Variants in C8orf34 observed in about 807,000 individuals in gnomAD.
C8orf34 encodes chromosome 8 open reading frame 34, also known as uncharacterized protein C8orf34.
C8orf34 carries 65 observed loss-of-function variants against 68.3 expected under a neutral mutation model. The observed-to-expected ratio is 0.95, with a 90% CI of 0.78 to 1.17. The LOEUF (loss-of-function observed/expected upper bound fraction) is 1.17, where lower values mean the gene tolerates loss of function less well. Among genes scored for constraint, C8orf34 ranks in the 50% most tolerant of loss-of-function variants. C8orf34 has a pLI of 0.00. For synonymous variants in C8orf34, 244 were observed against 241.2 expected, an observed-to-expected ratio of 1.01 and a Z score of -0.11; for missense variants, 664 against 655.4, an observed-to-expected ratio of 1.01 and a Z score of -0.14.
At chr8:68,550,370 T>C (rs1314093914) in intron 7 of C8orf34, among the ~76,000 whole-genome samples, 1 of 151,830 alleles carries the variant, frequency 6.6e-6, no homozygotes, top group Non-Finnish European at 1.5e-5. Flanking sequence ...TACCTTGTAA[T>C]ATCAAAATAC....
In C8orf34 at chr8:68,446,445, C is replaced by T; in HGVS notation, c.592C>T (p.Pro198Ser). 6.2e-7 allele frequency: 1 copy of T among 1,612,466 alleles called. No homozygotes were observed. Among genetic ancestry groups the T allele is most frequent in the Non-Finnish European group, 8.5e-7 (1 of 1,179,364 alleles). The change falls in exon 3 of 14, where the codon CCG becomes TCG. Residue 198 changes from proline to serine, a missense_variant. Physicochemically the swap from Pro to Ser is moderately conservative, Grantham distance 74. Coordinates refer to ENST00000518698, the MANE Select transcript of C8orf34 (RefSeq NM_052958.4). ...LAVSNISPPS[P>S]DSKSLPRSVE... ...TGTGTCTAATATTTCTCCACCATCA[C>T]CGGACTCCAAATCATGTAAGGAAGT... is the stretch of plus-strand genomic sequence containing the variant.
At position 68,818,390 on chromosome 8, in the gene C8orf34, GC is replaced by G; in HGVS notation, c.*146del. ...TCAATAATAAACAAGTACTATCGTA[GC>G]CAGGGGGTGCCCAAGTATGTAATCA... On this transcript the variant is annotated 3_prime_UTR_variant, in exon 14 of 14. Coordinates refer to ENST00000518698, the MANE Select transcript of C8orf34 (RefSeq NM_052958.4). 1.1e-6 allele frequency: 1 copy of G among 882,336 alleles called. No individual in the cohort carries two copies. Among genetic ancestry groups the G allele is most frequent in the Non-Finnish European group, 1.8e-6 (1 of 565,140 alleles). The allele number at this position is 882,336 out of a possible 1,614,324, so 54.7% of individuals were successfully genotyped here.
chr8:68,806,738 G>A lies in C8orf34; in HGVS notation c.1550-9148G>A, dbSNP rs982111860. 2.0e-5 allele frequency among the ~76,000 whole-genome samples: 3 copies of A among 152,142 alleles called. 1 individual carries two copies. The South Asian group carries it at 6.2e-4, about 31-fold the overall frequency. Reference sequence around the variant, plus strand: ...TATATGTTTGGTAGCTGTGGATTGTGCCTTGTTCTCTTTTGAGTCTTGTTT... The same window carrying A: ...TATATGTTTGGTAGCTGTGGATTGTACCTTGTTCTCTTTTGAGTCTTGTTT... On this transcript the variant is annotated intron_variant, in intron 12 of 13. Coordinates refer to ENST00000518698, the MANE Select transcript of C8orf34 (RefSeq NM_052958.4).
At chr8:68,448,742 A>G (rs1022184402) in intron 3 of C8orf34, among the ~76,000 whole-genome samples, 1 of 152,162 alleles carries the variant, frequency 6.6e-6, no homozygotes, top group African/African-American at 2.4e-5. Flanking sequence ...CAATTAAAGC[A>G]AATATTGTCA....
At chr8:68,621,197 G>A (rs1228381034) in intron 7 of C8orf34, among the ~76,000 whole-genome samples, 2 of 152,168 alleles carry the variant, frequency 1.3e-5, no homozygotes, top group Non-Finnish European at 2.9e-5. Context: ...TGTTGAGCTG[G>A]GACAGTGGGG....
At position 68,331,101 on chromosome 8, in the gene C8orf34, C is replaced by T. The variant is rs1358362388; in HGVS notation, c.89C>T (p.Pro30Leu). Reference protein sequence around the residue: ...RLSAPHARVAPRAATHARGRG... With the variant: ...RLSAPHARVALRAATHARGRG... ...TCAGCGCCCCACGCGCGCGTGGCTC[C>T]CCGGGCTGCCACCCACGCCCGCGGC... The change falls in exon 1 of 14, where the codon CCC (proline) becomes CTC (leucine). Residue 30 changes from proline to leucine, a missense_variant. Coordinates refer to ENST00000518698, the MANE Select transcript of C8orf34 (RefSeq NM_052958.4). 6.7e-7 allele frequency: 1 copy of T among 1,496,414 alleles called. No individual in the cohort carries two copies. The allele number at this position is 1,496,414 out of a possible 1,614,324, so 92.7% of individuals were successfully genotyped here. A position where few individuals can be genotyped will look rare whatever the true frequency, so the allele number is the denominator to read the frequency against.
At chr8:68,397,804 T>C (rs924994173) in intron 1 of C8orf34, among the ~76,000 whole-genome samples, 4 of 152,208 alleles carry the variant, frequency 2.6e-5, no homozygotes, top group Non-Finnish European at 5.9e-5. Context: ...AGTCTCACTC[T>C]GTTGCCCAGT....
In C8orf34 at chr8:68,476,708, C is replaced by A. The variant is rs191908244; in HGVS notation, c.736+7888C>A. The stretch of plus-strand genomic sequence containing the variant: ...ACATATTTATGTGGGCAGTTGAGTA[C>A]ATGCACAATGGGCAAAGATATATGT... On this transcript the variant is annotated intron_variant, in intron 4 of 13. Transcript: ENST00000518698. Among the ~76,000 whole-genome samples, 466 of 152,250 alleles carry A rather than the reference C, an allele frequency of 3.1e-3. 3 individuals carry two copies. The highest frequency in any genetic ancestry group is 0.027 in the South Asian group (128 of 4,820).
At chr8:68,523,420 G>C (rs949031979) in intron 6 of C8orf34, among the ~76,000 whole-genome samples, 6 of 152,098 alleles carry the variant, frequency 3.9e-5, no homozygotes, top group African/African-American at 1.4e-4. Context: ...CTCAATAAGG[G>C]AGAACCTCTT....
intron 7 of C8orf34, among the ~76,000 whole-genome samples, chr8:68,586,098 A>T (rs1332062945): frequency 6.6e-6 from 1 of 152,110 alleles, no homozygotes; most frequent in African/African-American, 2.4e-5. Context: ...AAGTATATAT[A>T]TGTAAAAATG....
intron 1 of C8orf34, among the ~76,000 whole-genome samples, chr8:68,369,426 T>A (rs1807459785): frequency 6.6e-6 from 1 of 152,226 alleles, no homozygotes; most frequent in African/African-American, 2.4e-5. Flanking sequence ...CCGGACTAGG[T>A]CTAAACCAGT....
At chr8:68,730,090 C>T (rs1483026701) in intron 10 of C8orf34, among the ~76,000 whole-genome samples, 2 of 152,062 alleles carry the variant, frequency 1.3e-5, no homozygotes, top group Admixed American at 1.3e-4. Context: ...AAACTAGGCA[C>T]ACAGCTAGCA....
intron 8 of C8orf34, among the ~76,000 whole-genome samples, chr8:68,687,493 A>G (rs1820554415): frequency 6.6e-6 from 1 of 152,108 alleles, no homozygotes; most frequent in East Asian, 1.9e-4. Flanking sequence ...GACAAAGCAT[A>G]CAAAACCATA....
chr8:68,449,669 A>C (rs1811264864), intron 3 of C8orf34, among the ~76,000 whole-genome samples: 2 of 152,124 alleles, frequency 1.3e-5, no homozygotes, highest in Non-Finnish European at 2.9e-5. Context: ...ATAAGAAAAC[A>C]ATGTACATAT....
intron 1 of C8orf34, among the ~76,000 whole-genome samples, chr8:68,428,592 A>C (rs1810327063): frequency 6.6e-6 from 1 of 152,036 alleles, no homozygotes; most frequent in Non-Finnish European, 1.5e-5. Flanking sequence ...AAACAGAAAA[A>C]ATTTCAGTCA....
At chr8:68,505,449 G>GACTGGCTGAGAATCAGGCAAGGGAGA (rs1261007912) in intron 5 of C8orf34, among the ~76,000 whole-genome samples, 7 of 139,140 alleles carry the variant, frequency 5.0e-5, no homozygotes, top group African/African-American at 1.3e-4. Flanking sequence ...TGAGCAACAT[G>GACTGGCTGAGAATCAGGCAAGGGAGA]GGCCGGGCGC....
At chr8:68,670,622 C>T (rs1488554534) in intron 8 of C8orf34, among the ~76,000 whole-genome samples, 2 of 152,088 alleles carry the variant, frequency 1.3e-5, no homozygotes, top group East Asian at 3.9e-4. Flanking sequence ...TCATTTAATT[C>T]CTCTAAAAAT....
intron 7 of C8orf34, among the ~76,000 whole-genome samples, chr8:68,589,009 G>A (rs571517496): frequency 6.6e-6 from 1 of 152,222 alleles, no homozygotes; most frequent in African/African-American, 2.4e-5. Context: ...GGCGAAAACA[G>A]GCAACAGGTT....
Position 68,784,802 on chromosome 8 carries a change from ATG to A in C8orf34, c.1456-2617_1456-2616del, listed in dbSNP as rs113788548. ...CTTCCATCATTGTGTATGTGTGTGT[ATG>A]TGTGTGTGTGTGTGTGTGTGTGTTT... On this transcript the variant is annotated intron_variant, in intron 11 of 13. Coordinates refer to ENST00000518698, the MANE Select transcript of C8orf34 (RefSeq NM_052958.4). 3.0e-3 allele frequency among the ~76,000 whole-genome samples: 430 copies of A among 144,244 alleles called. 2 individuals carry two copies. The highest frequency in any genetic ancestry group is 9.1e-3 in the African/African-American group (355 of 39,168). The allele number at this position is 144,244 out of a possible 152,430, so 94.6% of individuals were successfully genotyped here.
Sources: allele counts gnomAD v4.1 joint callset (sites outside exome capture counted in the v4.1 genomes callset), GRCh38; gene constraint gnomAD v4.1.1; transcripts MANE v1.5; gene names NCBI Gene and HGNC (gene_info 2026-07-23, HGNC 2026-07-21).